The following AFG2A variants were observed in gnomAD, a reference collection of about 807,000 sequenced individuals.
The protein encoded by AFG2A is ATPase family gene 2 protein homolog A.
the AFG2A span, among the ~76,000 whole-genome samples, chr4:122,971,796 T>G: frequency 6.6e-6 from 1 of 152,190 alleles, no homozygotes; most frequent in Non-Finnish European, 1.5e-5. Context: ...TATGAACTCT[T>G]TATTCTATTA....
chr4:123,167,299 G>T, the AFG2A span, among the ~76,000 whole-genome samples: 2 of 150,826 alleles, frequency 1.3e-5, no homozygotes, highest in South Asian at 4.2e-4. Flanking sequence ...GTCCTACTTA[G>T]CCTTTCTTTC....
At chr4:122,932,300 A>G in the AFG2A span, among the ~76,000 whole-genome samples, 1 of 151,904 alleles carries the variant, frequency 6.6e-6, no homozygotes, top group African/African-American at 2.4e-5. Flanking sequence ...TGATTGGAGA[A>G]CAAGGTATTT....
chr4:123,025,370 C>T, the AFG2A span, among the ~76,000 whole-genome samples: 11 of 152,180 alleles, frequency 7.2e-5, no homozygotes, highest in South Asian at 1.0e-3. Flanking sequence ...AAAATGGAAC[C>T]GAGGTAGTGG....
the AFG2A span, among the ~76,000 whole-genome samples, chr4:123,233,025 T>C: frequency 2.0e-5 from 3 of 152,002 alleles, no homozygotes; most frequent in Admixed American, 6.6e-5. Context: ...TATTCAAAAA[T>C]AAAATCTATT....
chr4:123,185,191 G>T, the AFG2A span, among the ~76,000 whole-genome samples: 114 of 104,894 alleles, frequency 1.1e-3, no homozygotes, highest in African/African-American at 2.6e-3. Context: ...ATTAGTAATA[G>T]TTAACCTTTA....
the AFG2A span, among the ~76,000 whole-genome samples, chr4:122,944,704 G>T: frequency 1.3e-5 from 2 of 152,166 alleles, no homozygotes; most frequent in African/African-American, 4.8e-5. Context: ...TGGAAGAGGA[G>T]AGGCACTCTG....
chr4:122,955,828 C>G, the AFG2A span, among the ~76,000 whole-genome samples: 2 of 152,168 alleles, frequency 1.3e-5, no homozygotes, highest in African/African-American at 4.8e-5. Context: ...ACATTTTGCT[C>G]TAGGACTGGG....
the AFG2A span, among the ~76,000 whole-genome samples, chr4:123,092,860 A>G: frequency 1.3e-5 from 2 of 152,052 alleles, no homozygotes; most frequent in Non-Finnish European, 2.9e-5. Flanking sequence ...CCCCTCCTCC[A>G]TCAGAAACAG....
the AFG2A span, among the ~76,000 whole-genome samples, chr4:123,235,542 C>G: frequency 2.0e-5 from 3 of 152,156 alleles, no homozygotes; most frequent in African/African-American, 7.2e-5. Flanking sequence ...TCCAGAGAGT[C>G]TGGAAAGACC....
chr4:123,128,903 AAG>A, the AFG2A span, among the ~76,000 whole-genome samples: 1 of 152,168 alleles, frequency 6.6e-6, no homozygotes, highest in Non-Finnish European at 1.5e-5. Flanking sequence ...AATTATCTGT[AAG>A]AGTCTCCAAA....
chr4:122,927,610 A>C, the AFG2A span: 1 of 1,591,142 alleles, frequency 6.3e-7, no homozygotes, highest in African/African-American at 1.4e-5. Context: ...AGTAGTACAA[A>C]AATAATTTTC....
chr4:122,995,681 C>A, the AFG2A span, among the ~76,000 whole-genome samples: 1 of 152,178 alleles, frequency 6.6e-6, no homozygotes, highest in South Asian at 2.1e-4. Context: ...AAATAGCCTT[C>A]CTCTCAGACT....
chr4:122,965,162 G>A, the AFG2A span, among the ~76,000 whole-genome samples: 1 of 152,104 alleles, frequency 6.6e-6, no homozygotes, highest in Admixed American at 6.6e-5. Flanking sequence ...GTTTCTGTAG[G>A]CAGGTAGTAA....
the AFG2A span, chr4:123,102,295 G>GAAAAAA: frequency 7.5e-6 from 1 of 133,660 alleles, no homozygotes; most frequent in African/African-American, 2.8e-5. Context: ...GTGATTTTCA[G>GAAAAAA]AAAAAAAAAA....
chr4:123,090,048 T>G, the AFG2A span, among the ~76,000 whole-genome samples: 2 of 152,240 alleles, frequency 1.3e-5, no homozygotes, highest in Admixed American at 1.3e-4. Context: ...AAATCGGGAT[T>G]GTGGTGATTA....
At chr4:122,953,547 C>G in the AFG2A span, among the ~76,000 whole-genome samples, 1 of 152,248 alleles carries the variant, frequency 6.6e-6, no homozygotes, top group Non-Finnish European at 1.5e-5. Flanking sequence ...GTTCTGGGGC[C>G]TTGGCTTTCA....
At chr4:123,086,928 A>G in the AFG2A span, among the ~76,000 whole-genome samples, 1 of 152,078 alleles carries the variant, frequency 6.6e-6, no homozygotes, top group East Asian at 1.9e-4. Flanking sequence ...TAGAATTTCC[A>G]TCACTCTGCT....
At chr4:123,175,898 C>T in the AFG2A span, among the ~76,000 whole-genome samples, 5 of 152,244 alleles carry the variant, frequency 3.3e-5, no homozygotes, top group East Asian at 9.6e-4. Context: ...GTTTATTCCT[C>T]CTTGTATGGA....
At chr4:123,174,930 A>T in the AFG2A span, among the ~76,000 whole-genome samples, 1 of 151,936 alleles carries the variant, frequency 6.6e-6, no homozygotes, top group East Asian at 1.9e-4. Flanking sequence ...TCCTGGGCCC[A>T]AGCAATCCTC....
Sources: allele counts gnomAD v4.1 joint callset (sites outside exome capture counted in the v4.1 genomes callset), GRCh38; gene constraint gnomAD v4.1.1; transcripts MANE v1.5; gene names NCBI Gene and HGNC (gene_info 2026-07-23, HGNC 2026-07-21).